The following HLA-C variants were observed in gnomAD, a reference collection of about 807,000 sequenced individuals.
The protein encoded by HLA-C is HLA class I histocompatibility antigen, C alpha chain.
In HLA-C, 15 loss-of-function variants were observed where a neutral mutation model predicts 36.9. That is an observed-to-expected ratio of 0.41 (90% CI 0.27 to 0.63). The LOEUF is 0.63. HLA-C is among the 20% of genes least tolerant of loss of function. The pLI, the probability that HLA-C is intolerant of heterozygous loss-of-function variation, is 0.35. For synonymous variants in HLA-C, 104 were observed against 174.3 expected, an observed-to-expected ratio of 0.60 and a Z score of 3.18; for missense variants, 272 against 400.4, an observed-to-expected ratio of 0.68 and a Z score of 2.74.
exon 3 of HLA-C, chr6:31,271,135 C>T (rs281860525): frequency 5.2e-6 from 6 of 1,145,370 alleles, no homozygotes; most frequent in Non-Finnish European, 6.9e-6. Flanking sequence ...CACGCACGTG[C>T]CCTCCAGGTA....
intron 5 of HLA-C, 144 bp downstream of exon 5, chr6:31,269,820 TAA>T (rs1761150750): frequency 5.8e-6 from 2 of 344,202 alleles, no homozygotes; most frequent in Non-Finnish European, 8.7e-6. Flanking sequence ...CACAAAAGAG[TAA>T]GTGCTGGCAC....
At chr6:31,269,455 TA>T in intron 6 of HLA-C, 37 bp downstream of exon 6, 1 of 861,188 alleles carries the variant, frequency 1.2e-6, no homozygotes, top group African/African-American at 3.8e-5. Context: ...AATTATGGAG[TA>T]GGTGAGCTCC....
Position 31,270,098 on chromosome 6 carries a change from G to A in HLA-C, c.896-13C>T, listed in dbSNP as rs372700082. The A allele has an allele frequency of 3.0e-4, 252 of 835,056 alleles. 100 individuals are homozygous for A. The highest frequency in any genetic ancestry group is 9.6e-4 in the Middle Eastern group (2 of 2,086). The allele number at this position is 835,056 out of a possible 1,614,324, so 51.7% of individuals were successfully genotyped here. ...TGGGAAGATGGCTCTGGGAAAGGAGGAGAAGGTGAGGGGCCCTGACCCCCA... is the reference window on the plus strand; with the variant it reads ...TGGGAAGATGGCTCTGGGAAAGGAGAAGAAGGTGAGGGGCCCTGACCCCCA... On this transcript the variant is annotated splice_polypyrimidine_tract_variant and intron_variant, in intron 4 of 7. Transcript: ENST00000376228.
intron 4 of HLA-C, 23 bp from the exon 5 acceptor site, chr6:31,270,108 G>T: frequency 1.2e-6 from 1 of 834,036 alleles, no homozygotes; most frequent in South Asian, 2.7e-5. Flanking sequence ...GAGAAGGTGA[G>T]GGGCCCTGAC....
Position 31,269,802 on chromosome 6 carries a change from A to G in HLA-C, c.1015+164T>C. On this transcript the variant is annotated intron_variant, in intron 5 of 7. Transcript: ENST00000376228. ...TGATACATCCGTCCTTCATTGTCACATGTGCTTCACAAAAGAGTAAGTGCT... is the reference window on the plus strand; with the variant it reads ...TGATACATCCGTCCTTCATTGTCACGTGTGCTTCACAAAAGAGTAAGTGCT... The G allele has an allele frequency of 1.3e-5, 4 of 318,306 alleles. 1 individual carries two copies. Among genetic ancestry groups the G allele is most frequent in the Non-Finnish European group, 1.9e-5 (4 of 209,816 alleles). The allele number at this position is 318,306 out of a possible 1,614,324, so 19.7% of individuals were successfully genotyped here.
In HLA-C at chr6:31,268,870, C is replaced by T. The variant is rs1130558; in HGVS notation, c.*299G>A. The T allele has an allele frequency of 5.8e-3, 1,146 of 199,108 alleles. 10 individuals carry two copies. Among genetic ancestry groups the T allele is most frequent in the African/African-American group, 9.6e-3 (259 of 27,012 alleles). 12.3% of individuals were successfully genotyped at this position (199,108 alleles called of 1,614,324 possible). A position where few individuals can be genotyped will look rare whatever the true frequency, so the allele number is the denominator to read the frequency against. On this transcript the variant is annotated 3_prime_UTR_variant, in exon 8 of 8. Transcript: ENST00000376228. ...CACAAATTTATATTCAGGTTCTTAA[C>T]TTCATTAGGGAAGTAAGAAGTTGCA...
At chr6:31,271,288 C>T (rs281860465) in exon 3 of HLA-C, 2 of 1,165,350 alleles carry the variant, frequency 1.7e-6, no homozygotes, top group Middle Eastern at 2.7e-4. Flanking sequence ...GTCATACCCG[C>T]GGAGGAGGCG....
At chr6:31,272,025 C>G (rs1050451) in exon 1 of HLA-C, 248,205 of 832,614 alleles carry the variant, frequency 0.3, 104,720 homozygotes, top group East Asian at 0.71. Context: ...CAGGGCCAGG[C>G]CTCCCGAGAG....
rs767160115 is a variant in HLA-C, at chr6:31,269,180, A to G, written c.1097-7T>C. The G allele has an allele frequency of 2.7e-6, 4 of 1,486,000 alleles. No homozygotes were observed. In the Admixed American group the frequency reaches 5.9e-5, roughly 22 times the overall value. The allele number at this position is 1,486,000 out of a possible 1,614,324, so 92.1% of individuals were successfully genotyped here. A position where few individuals can be genotyped will look rare whatever the true frequency, so the allele number is the denominator to read the frequency against. ...CACAGGCAGCTGTCTCAGGCTACAG[A>G]ACACAATAGTCATGAACAAATTCAG... On this transcript the variant is annotated splice_region_variant and splice_polypyrimidine_tract_variant and intron_variant, in intron 7 of 7. Transcript: ENST00000376228.
In HLA-C at chr6:31,271,337, G is replaced by C. The variant is rs1071649; in HGVS notation, c.355C>G (p.Leu119Val). 9.2e-6 allele frequency: 9 copies of C among 978,566 alleles called. No individual in the cohort carries two copies. In the Admixed American group the frequency reaches 2.4e-4, roughly 26 times the overall value. 60.6% of individuals were successfully genotyped at this position (978,566 alleles called of 1,614,324 possible). Residue 119 changes from leucine to valine, a missense_variant, in exon 3 of 8, where the codon CTC becomes GTC. Coordinates refer to ENST00000376228, the Ensembl canonical transcript of HLA-C. ...AGGTCGCAGCCAGACATCCTCTGGA[G>C]GGTGTGAGACCCTGGCCCCGCCCCC...
chr6:31,270,995 AT>A (rs2113908721), intron 3 of HLA-C, 77 bp downstream of exon 3: 1 of 806,018 alleles, frequency 1.2e-6, no homozygotes, highest in Non-Finnish European at 1.6e-6. Flanking sequence ...TGCTGATCCC[AT>A]TTTCCTCCCC....
At chr6:31,270,910 A>G (rs1183454867) in intron 3 of HLA-C, among the ~76,000 whole-genome samples, 163 bp downstream of exon 3, 1 of 65,742 alleles carries the variant, frequency 1.5e-5, no homozygotes, top group African/African-American at 7.5e-5. Flanking sequence ...ATTGTCCTAG[A>G]GAGCAGAGGG....
chr6:31,271,806 A>G (rs281860341), exon 2 of HLA-C: 3 of 1,363,510 alleles, frequency 2.2e-6, no homozygotes, highest in Admixed American at 2.1e-5. Flanking sequence ...ACTGAGATGA[A>G]GCGGGGCTCT....
chr6:31,271,672 C>G (rs28626310), exon 2 of HLA-C: 256,946 of 1,384,448 alleles, frequency 0.19, 40,425 homozygotes, highest in Non-Finnish European at 0.2. Flanking sequence ...GGCGCTTGTA[C>G]TTCTGTGTCT....
In HLA-C at chr6:31,270,159, G is replaced by C. The variant is rs779031239; in HGVS notation, c.895+51C>G. 9.7e-6 allele frequency: 8 copies of C among 826,940 alleles called. 2 individuals are homozygous for C. The highest frequency in any genetic ancestry group is 9.5e-4 in the Middle Eastern group (2 of 2,098). 51.2% of individuals were successfully genotyped at this position (826,940 alleles called of 1,614,324 possible). On this transcript the variant is annotated intron_variant, in intron 4 of 7. Transcript: ENST00000376228. The stretch of plus-strand genomic sequence containing the variant: ...CTGACCCGGCTGAAGGGCTCCAGAA[G>C]GACTTCTGCTTTCTCTGATAAGAGA...
At chr6:31,271,528 C>G (rs17879195) in intron 2 of HLA-C, 71 bp downstream of exon 2, 1 of 811,202 alleles carries the variant, frequency 1.2e-6, no homozygotes. Flanking sequence ...CGGGGAGACT[C>G]TGGGCGACCC....
rs200646093 is a variant in HLA-C at position 31,271,356 on chromosome 6, C to A, written c.344-8G>T. 106 of 949,988 alleles carry A rather than the reference C, an allele frequency of 1.1e-4. 2 individuals carry two copies. Among genetic ancestry groups the A allele is most frequent in the South Asian group, 9.8e-4 (58 of 59,474 alleles). 58.8% of individuals were successfully genotyped at this position (949,988 alleles called of 1,614,324 possible). A position where few individuals can be genotyped will look rare whatever the true frequency, so the allele number is the denominator to read the frequency against. On this transcript the variant is annotated splice_region_variant and splice_polypyrimidine_tract_variant and intron_variant, in intron 2 of 7. Coordinates refer to ENST00000376228, the Ensembl canonical transcript of HLA-C. ...TCTGGAGGGTGTGAGACCCTGGCCC[C>A]GCCCCCGCGGTCAGCCCAGTCCCCC...
chr6:31,270,617 C>CGG, intron 3 of HLA-C, 132 bp from the exon 4 acceptor site: 1 of 511,426 alleles, frequency 2.0e-6, no homozygotes, highest in Non-Finnish European at 2.9e-6. Context: ...CAGACGCCAG[C>CGG]CTGGACACAG....
exon 8 of HLA-C, chr6:31,269,077 T>C (rs1049709): frequency 0.13 from 98,120 of 739,190 alleles, 10,324 homozygotes; most frequent in Non-Finnish European, 0.17. Context: ...CACATTCAGG[T>C]GCCTTTGCAG....
Sources: gnomAD v4.1 joint callset for allele counts (sites outside exome capture counted in the v4.1 genomes callset) on GRCh38, gnomAD v4.1.1 for gene constraint, MANE v1.5 for transcripts, NCBI Gene and HGNC (gene_info 2026-07-23, HGNC 2026-07-21) for gene names.